The following MEX3C variants were observed in gnomAD, a reference collection of about 807,000 sequenced individuals.
MEX3C encodes the protein RNA-binding E3 ubiquitin-protein ligase MEX3C.
In MEX3C, 15 loss-of-function variants were observed where a neutral mutation model predicts 35.5. The ratio of observed to expected loss-of-function variants is 0.42; its 90% CI spans 0.28 to 0.65. The LOEUF (loss-of-function observed/expected upper bound fraction) is 0.65. MEX3C is among the 30% of genes least tolerant of loss of function. The pLI, the probability that MEX3C is intolerant of heterozygous loss-of-function variation, is 0.20. For synonymous variants in MEX3C, 390 were observed against 352.8 expected, an observed-to-expected ratio of 1.11 and a Z score of -1.18; for missense variants, 711 against 842.8, an observed-to-expected ratio of 0.84 and a Z score of 1.94.
chr18:51,196,340 C>A (rs1394957686), intron 1 of MEX3C: 1 of 1,017,986 alleles, frequency 9.8e-7, no homozygotes. Context: ...GACTGGGTCG[C>A]CCGAGAAACT....
rs1229873856 is a variant in MEX3C at position 51,177,154 on chromosome 18, T to C, written c.1177A>G (p.Met393Val). 4.3e-6 allele frequency: 7 copies of C among 1,613,870 alleles called. No individual in the cohort carries two copies. The Admixed American group carries it at 5.0e-5, about 12-fold the overall frequency. ...AGCTCTATATAGTTTCCTGTACGCA[T>C]GGCAATATGCATTTCTATTTCTTCC... ...AREEIEMHIAMRTGNYIELNE... is the reference protein window; with the variant it reads ...AREEIEMHIAVRTGNYIELNE... Residue 393 changes from methionine (M) to valine (V), a missense_variant, in exon 2 of 2, where the codon ATG (methionine) becomes GTG (valine). Around this residue, in one of 4 missense-constraint regions of MEX3C, gnomAD observed 187 missense variants for 201.7 expected, o/e 0.93. Coordinates refer to ENST00000406189, the MANE Select transcript of MEX3C (RefSeq NM_016626.5). The surrounding 1 kb of genome is among the most constrained non-coding windows in gnomAD (Gnocchi z 4.2).
chr18:51,181,383 A>G (rs1159518600), intron 1 of MEX3C, among the ~76,000 whole-genome samples: 1 of 152,198 alleles, frequency 6.6e-6, no homozygotes, highest in Non-Finnish European at 1.5e-5. Context: ...AAAAGGGTGA[A>G]AGAAACAGCT....
chr18:51,194,287 T>C (rs571568067), intron 1 of MEX3C: 1 of 152,326 alleles, frequency 6.6e-6, no homozygotes, highest in South Asian at 2.1e-4. Flanking sequence ...GCTTTTAAGA[T>C]AGAGGATGAT....
At chr18:51,184,922 C>T (rs1260694677) in intron 1 of MEX3C, among the ~76,000 whole-genome samples, 2 of 152,012 alleles carry the variant, frequency 1.3e-5, no homozygotes, top group African/African-American at 4.8e-5. Context: ...TAAGGTGTTA[C>T]AGTAAATATG....
intron 1 of MEX3C, among the ~76,000 whole-genome samples, chr18:51,180,092 A>G (rs1049897444): frequency 6.6e-5 from 10 of 152,108 alleles, no homozygotes; most frequent in African/African-American, 2.4e-4. Flanking sequence ...CTGAAAATAA[A>G]TAAAAGAAAA....
At chr18:51,181,503 A>C (rs1912429547) in intron 1 of MEX3C, among the ~76,000 whole-genome samples, 1 of 42,570 alleles carries the variant, frequency 2.3e-5, no homozygotes, top group Non-Finnish European at 5.9e-5. Context: ...AAACCTTACA[A>C]CAATGCTAGT....
chr18:51,184,505 T>A (rs1912493660), intron 1 of MEX3C, among the ~76,000 whole-genome samples: 1 of 152,194 alleles, frequency 6.6e-6, no homozygotes, highest in Non-Finnish European at 1.5e-5. Flanking sequence ...TTAGATATAT[T>A]ACATTCTTAT....
rs761506642 is a variant in MEX3C at position 51,196,496 on chromosome 18, GCTC to G, written c.754+68_754+70del. 4.8e-4 allele frequency: 722 copies of G among 1,507,754 alleles called. 3 individuals are homozygous for G. The highest frequency in any genetic ancestry group is 2.7e-4 in the Non-Finnish European group (312 of 1,134,892). 93.4% of individuals were successfully genotyped at this position (1,507,754 alleles called of 1,614,324 possible). On this transcript the variant is annotated intron_variant, in intron 1 of 1. Transcript: ENST00000406189. ...GCCGGGTTCGCCTTTTCCGTCCCAC[GCTC>G]CTTTCTCTCGTCTCCCCACCCACGC...
chr18:51,196,891 G>A lies in MEX3C; in HGVS notation c.430C>T (p.Leu144=), dbSNP rs1283423800. ...EEEDRSSLLL[L]SPPAATASQT... is the part of the protein sequence containing the mutation. ...GAGGCGGTGGCCGCGGGCGGCGACA[G>A]CAGCAGCAGCGACGACCGGTCCTCC... is the stretch of plus-strand genomic sequence containing the variant. The change falls in exon 1 of 2, where the codon CTG becomes TTG. Residue 144 remains leucine, a synonymous_variant. Coordinates refer to ENST00000406189, the MANE Select transcript of MEX3C (RefSeq NM_016626.5). The A allele has an allele frequency of 3.9e-6, 6 of 1,540,460 alleles. No homozygotes were observed. Among genetic ancestry groups the A allele is most frequent in the Non-Finnish European group, 2.6e-6 (3 of 1,145,654 alleles).
intron 1 of MEX3C, among the ~76,000 whole-genome samples, chr18:51,182,232 G>A (rs1912448042): frequency 6.6e-6 from 1 of 152,136 alleles, no homozygotes; most frequent in Non-Finnish European, 1.5e-5. Context: ...TATATATAGG[G>A]TTTGGTACTC....
In MEX3C at chr18:51,182,219, A is replaced by AT. The variant is rs377629845; in HGVS notation, c.755-4644dup. Reference sequence around the variant, plus strand: ...ATGTACATATAGGAAAAAACATAGTATGTATATATAGGGTTTGGTACTCTG... The same window carrying AT: ...ATGTACATATAGGAAAAAACATAGTATTGTATATATAGGGTTTGGTACTCTG... On this transcript the variant is annotated intron_variant, in intron 1 of 1. Coordinates refer to ENST00000406189, the MANE Select transcript of MEX3C (RefSeq NM_016626.5). Among the ~76,000 whole-genome samples the AT allele has an allele frequency of 1.5e-3, 223 of 152,320 alleles. 1 individual carries two copies. Among genetic ancestry groups the AT allele is most frequent in the African/African-American group, 5.1e-3 (214 of 41,578 alleles).
At chr18:51,178,488 G>C (rs918261709) in intron 1 of MEX3C, among the ~76,000 whole-genome samples, 3 of 151,782 alleles carry the variant, frequency 2.0e-5, no homozygotes, top group South Asian at 2.1e-4. Flanking sequence ...TAAAACTCTG[G>C]GGTTATACTT....
At position 51,196,977 on chromosome 18, in the gene MEX3C, C is replaced by T. The variant is rs1384870224; in HGVS notation, c.344G>A (p.Gly115Glu). ...GTCTCCGTCCAGCTCCGCTTCCTCC[C>T]CCTCCTCCTCGTCCTCTTCCAGCTC... is the stretch of plus-strand genomic sequence containing the variant. ...ELELEEDEEE[G>E]EEAELDGDLL... The change falls in exon 1 of 2, where the codon GGG becomes GAG. Residue 115 changes from glycine to glutamate, a missense_variant. Around this residue, in one of 4 missense-constraint regions of MEX3C, gnomAD observed 354 missense variants for 311.6 expected, o/e 1.14. Coordinates refer to ENST00000406189, the MANE Select transcript of MEX3C (RefSeq NM_016626.5). The T allele has an allele frequency of 1.1e-5, 17 of 1,538,946 alleles. No individual in the cohort carries two copies. Among genetic ancestry groups the T allele is most frequent in the Non-Finnish European group, 1.3e-5 (15 of 1,144,718 alleles).
Position 51,196,932 on chromosome 18 carries a change from A to C in MEX3C, c.389T>G (p.Leu130Arg), listed in dbSNP as rs1221235599. 1 of 1,543,316 alleles carries C rather than the reference A, an allele frequency of 6.5e-7. No individual in the cohort carries two copies. Among genetic ancestry groups the C allele is most frequent in the South Asian group, 1.2e-5 (1 of 83,792 alleles). ...LDGDLLEEEELEEAEEEDRSS... is the reference protein window; with the variant it reads ...LDGDLLEEEEREEAEEEDRSS... The stretch of plus-strand genomic sequence containing the variant: ...CCGGTCCTCCTCCTCTGCTTCCTCC[A>C]GCTCCTCCTCCTCCAGCAGGTCTCC... The change falls in exon 1 of 2, where the codon CTG becomes CGG. Residue 130 changes from leucine (L) to arginine (R), a missense_variant. Physicochemically the swap from Leu to Arg is moderately radical, Grantham distance 102. Coordinates refer to ENST00000406189, the MANE Select transcript of MEX3C (RefSeq NM_016626.5).
intron 1 of MEX3C, among the ~76,000 whole-genome samples, chr18:51,187,633 G>A (rs1435670567): frequency 3.9e-5 from 6 of 152,080 alleles, no homozygotes; most frequent in Middle Eastern, 3.4e-3. Context: ...GCTCGAACCC[G>A]GGAGGCGGAG....
At chr18:51,180,997 A>T (rs758197390) in intron 1 of MEX3C, among the ~76,000 whole-genome samples, 10 of 152,244 alleles carry the variant, frequency 6.6e-5, no homozygotes, top group Non-Finnish European at 1.3e-4. Flanking sequence ...GACTACTCGA[A>T]TAGATACTTT....
intron 1 of MEX3C, among the ~76,000 whole-genome samples, chr18:51,191,597 C>T (rs1009075814): frequency 3.3e-5 from 5 of 152,190 alleles, no homozygotes; most frequent in African/African-American, 1.2e-4. Context: ...TATAATGAGT[C>T]AAACTATCTG....
At chr18:51,185,692 G>A (rs1021529149) in intron 1 of MEX3C, among the ~76,000 whole-genome samples, 4 of 152,184 alleles carry the variant, frequency 2.6e-5, no homozygotes, top group African/African-American at 7.2e-5. Flanking sequence ...CCAGGGCAGC[G>A]AATAGACATA....
chr18:51,184,711 A>C (rs962376375), intron 1 of MEX3C, among the ~76,000 whole-genome samples: 3 of 151,958 alleles, frequency 2.0e-5, no homozygotes, highest in Admixed American at 6.6e-5. Context: ...ATAAAAAACT[A>C]TCTGGGCGTG....
Sources: allele counts gnomAD v4.1 joint callset (sites outside exome capture counted in the v4.1 genomes callset), GRCh38; gene constraint gnomAD v4.1.1; regional missense constraint gnomAD v4.1.1; non-coding constraint Gnocchi (gnomAD v3.1); transcripts MANE v1.5; gene names NCBI Gene and HGNC (gene_info 2026-07-23, HGNC 2026-07-21).